The following ULK4 variants were observed in gnomAD, a reference collection of about 807,000 sequenced individuals.
ULK4 encodes the protein inactive serine/threonine-protein kinase ULK4.
Under a neutral mutation model 160.6 loss-of-function variants are expected in ULK4, and 133 were observed. The observed-to-expected ratio is 0.83, with a 90% CI of 0.72 to 0.96. ULK4 has a LOEUF of 0.96. ULK4 is among the 40% of genes least tolerant of loss of function. ULK4 has a pLI of 0.00. For synonymous variants in ULK4, 534 were observed against 539.8 expected (o/e 0.99, Z 0.15); for missense variants, 1,580 against 1,499.5 (o/e 1.05, Z -0.89).
intron 17 of ULK4, among the ~76,000 whole-genome samples, chr3:41,846,242 C>T (rs902218956): frequency 6.6e-6 from 1 of 151,726 alleles, no homozygotes; most frequent in Non-Finnish European, 1.5e-5. Context: ...TGCTGTATTA[C>T]AAATTTAAAG....
At chr3:41,499,249 T>C (rs562910345) in intron 32 of ULK4, among the ~76,000 whole-genome samples, 56 of 152,298 alleles carry the variant, frequency 3.7e-4, no homozygotes, top group African/African-American at 1.3e-3. Flanking sequence ...GGAAACTCTT[T>C]TGCTAGAAAA....
intron 35 of ULK4, among the ~76,000 whole-genome samples, chr3:41,325,060 G>A (rs927883374): frequency 3.9e-5 from 6 of 152,112 alleles, no homozygotes; most frequent in African/African-American, 1.2e-4. Context: ...GGCCTGTTAC[G>A]GTGGTGAGAA....
At chr3:41,455,906 G>A (rs1406586587) in intron 33 of ULK4, among the ~76,000 whole-genome samples, 4 of 151,984 alleles carry the variant, frequency 2.6e-5, no homozygotes, top group African/African-American at 4.8e-5. Flanking sequence ...GTGAGGAAGC[G>A]CTTAATCTTT....
At position 41,918,653 on chromosome 3, in the gene ULK4, G is replaced by C. The variant is rs527668969; in HGVS notation, c.644-113C>G. ...GTCTTGCTCTGTCACCCAGGCTGGAGTGCAGTGGCGCAATCTCGGCTCACT... is the reference window on the plus strand; with the variant it reads ...GTCTTGCTCTGTCACCCAGGCTGGACTGCAGTGGCGCAATCTCGGCTCACT... On this transcript the variant is annotated intron_variant, in intron 6 of 36. Coordinates refer to ENST00000301831, the MANE Select transcript of ULK4 (RefSeq NM_017886.4). The C allele has an allele frequency of 2.1e-5, 11 of 535,618 alleles. No homozygotes were observed. In the Admixed American group the frequency reaches 2.7e-4, roughly 13 times the overall value. 33.2% of individuals were successfully genotyped at this position (535,618 alleles called of 1,614,324 possible). A position where few individuals can be genotyped will look rare whatever the true frequency, so the allele number is the denominator to read the frequency against.
At chr3:41,350,306 A>T (rs952316642) in intron 35 of ULK4, among the ~76,000 whole-genome samples, 1 of 152,144 alleles carries the variant, frequency 6.6e-6, no homozygotes, top group African/African-American at 2.4e-5. Context: ...AAAGTTATGG[A>T]TCTCTTCTCC....
At chr3:41,913,982 G>A (rs1698886341) in intron 8 of ULK4, among the ~76,000 whole-genome samples, 1 of 152,064 alleles carries the variant, frequency 6.6e-6, no homozygotes, top group Non-Finnish European at 1.5e-5. Context: ...GTGCGGCGGT[G>A]GGAGGAAAGA....
Position 41,705,080 on chromosome 3 carries a change from A to C in ULK4, c.2758T>G (p.Leu920Val), listed in dbSNP as rs761446776. 3.7e-6 allele frequency: 6 copies of C among 1,612,648 alleles called. No individual in the cohort carries two copies. In the Admixed American group the frequency reaches 1.0e-4, roughly 27 times the overall value. ...AFEAIIQYPI[L>V]LKDYRSTVVD... ...ACCGTGGAGCGATAGTCTTTCAATA[A>C]AATAGGATACTGTATTATTGCTTCA... The change falls in exon 27 of 37, where the codon TTA becomes GTA. Residue 920 changes from leucine (L) to valine (V), a missense_variant. By Grantham distance (32) the Leu-to-Val change is conservative. Coordinates refer to ENST00000301831, the MANE Select transcript of ULK4 (RefSeq NM_017886.4).
At chr3:41,534,704 G>C (rs2086435774) in intron 32 of ULK4, among the ~76,000 whole-genome samples, 1 of 151,906 alleles carries the variant, frequency 6.6e-6, no homozygotes, top group Non-Finnish European at 1.5e-5. Flanking sequence ...TGATCATAAG[G>C]ACCATAATTA....
At chr3:41,824,603 C>T (rs1490559261) in intron 18 of ULK4, among the ~76,000 whole-genome samples, 1 of 152,290 alleles carries the variant, frequency 6.6e-6, no homozygotes, top group South Asian at 2.1e-4. Flanking sequence ...TGCAAGGCAG[C>T]AGCGATGCTG....
rs116085715 is a variant in ULK4, at chr3:41,730,723, C to T, written c.2322-12862G>A. On this transcript the variant is annotated intron_variant, in intron 22 of 36. Coordinates refer to ENST00000301831, the MANE Select transcript of ULK4 (RefSeq NM_017886.4). ...AACAGTAATCCTTTTCAAAGTACTC[C>T]AAAAAATTGAAGACAAAGAAGTCTT... 6.9e-3 allele frequency among the ~76,000 whole-genome samples: 1,052 copies of T among 152,166 alleles called. 10 individuals carry two copies. Among genetic ancestry groups the T allele is most frequent in the African/African-American group, 0.024 (1,017 of 41,530 alleles).
chr3:41,455,173 T>G (rs560649448), intron 34 of ULK4, among the ~76,000 whole-genome samples: 2 of 152,176 alleles, frequency 1.3e-5, no homozygotes, highest in Non-Finnish European at 2.9e-5. Context: ...CTCTAAAATA[T>G]CTTTTTGAGA....
intron 36 of ULK4, among the ~76,000 whole-genome samples, chr3:41,248,510 C>T (rs1390842462): frequency 6.6e-6 from 1 of 152,174 alleles, no homozygotes; most frequent in Non-Finnish European, 1.5e-5. Context: ...GGTATCCTCC[C>T]CTCTCACCTA....
chr3:41,284,236 A>T (rs1197252704), intron 35 of ULK4, among the ~76,000 whole-genome samples: 1 of 152,208 alleles, frequency 6.6e-6, no homozygotes, highest in African/African-American at 2.4e-5. Flanking sequence ...CAAAATTAGA[A>T]AAAACAATTC....
chr3:41,425,940 A>G (rs2082767305), intron 34 of ULK4, among the ~76,000 whole-genome samples: 1 of 152,204 alleles, frequency 6.6e-6, no homozygotes, highest in Non-Finnish European at 1.5e-5. Flanking sequence ...TATCAACCTT[A>G]AATGTAAAAC....
intron 30 of ULK4, among the ~76,000 whole-genome samples, chr3:41,642,563 C>A (rs2034267159): frequency 6.6e-6 from 1 of 152,142 alleles, no homozygotes; most frequent in African/African-American, 2.4e-5. Flanking sequence ...TGTATATGTG[C>A]CACATTTTCT....
chr3:41,276,563 T>C (rs2079232229), intron 35 of ULK4, among the ~76,000 whole-genome samples: 2 of 152,250 alleles, frequency 1.3e-5, no homozygotes, highest in South Asian at 4.1e-4. Context: ...AACAGCTCTT[T>C]GTCTTCAGTC....
chr3:41,491,127 T>C lies in ULK4; in HGVS notation c.3227-27874A>G, dbSNP rs183343690. Among the ~76,000 whole-genome samples the C allele has an allele frequency of 3.0e-4, 46 of 152,216 alleles. No individual in the cohort carries two copies. In the East Asian group the frequency reaches 4.4e-3, roughly 15 times the overall value. On this transcript the variant is annotated intron_variant, in intron 32 of 36. Transcript: ENST00000301831. ...ATGTGAATAAATACTTAAAACACTA[T>C]TGAGGGACACAGAGGCAGACGGCCT...
chr3:41,593,889 C>G (rs1462306793), intron 31 of ULK4, among the ~76,000 whole-genome samples: 3 of 151,444 alleles, frequency 2.0e-5, no homozygotes, highest in Non-Finnish European at 4.4e-5. Context: ...AAAACTTAGC[C>G]AGGTATCACG....
At chr3:41,454,238 C>T (rs1333904660) in intron 34 of ULK4, among the ~76,000 whole-genome samples, 5 of 146,492 alleles carry the variant, frequency 3.4e-5, no homozygotes, top group Admixed American at 6.9e-5. Context: ...ATGTTCTTAA[C>T]TAGAAAGATG....
Sources: allele counts gnomAD v4.1 joint callset (sites outside exome capture counted in the v4.1 genomes callset), GRCh38; gene constraint gnomAD v4.1.1; transcripts MANE v1.5; gene names NCBI Gene and HGNC (gene_info 2026-07-23, HGNC 2026-07-21).